The following ZDHHC21 variants were observed in gnomAD, a reference collection of about 807,000 sequenced individuals.
The protein encoded by ZDHHC21 is zDHHC palmitoyltransferase 21.
In ZDHHC21, 15 loss-of-function variants were observed where a neutral mutation model predicts 34.6. The ratio of observed to expected loss-of-function variants is 0.43; its 90% CI spans 0.29 to 0.67. ZDHHC21 has a LOEUF of 0.67. Ranked by LOEUF, ZDHHC21 falls within the 30% of genes least tolerant of loss-of-function variation. The probability of loss-of-function intolerance (pLI) is 0.14; values close to 1 mark genes in which losing one functional copy is unlikely to be tolerated. For missense variants in ZDHHC21, 344 were observed against 327.7 expected (o/e 1.05, Z -0.38); for synonymous variants, 142 against 101.8 (o/e 1.40, Z -2.38).
intron 3 of ZDHHC21, among the ~76,000 whole-genome samples, chr9:14,678,749 A>G (rs1035784620): frequency 6.6e-6 from 1 of 152,164 alleles, no homozygotes; most frequent in Non-Finnish European, 1.5e-5. Context: ...TCACAAAAAT[A>G]TGGCACAATC....
At chr9:14,664,086 C>T (rs1056618283) in intron 5 of ZDHHC21, among the ~76,000 whole-genome samples, 1 of 152,090 alleles carries the variant, frequency 6.6e-6, no homozygotes, top group African/African-American at 2.4e-5. Context: ...TCTGCATTTC[C>T]ATCTGAGGTA....
intron 7 of ZDHHC21, among the ~76,000 whole-genome samples, chr9:14,644,598 T>G (rs1325372801): frequency 6.6e-6 from 1 of 152,054 alleles, no homozygotes; most frequent in South Asian, 2.1e-4. Context: ...GTAACCTGAA[T>G]GAATCCTGAA....
intron 8 of ZDHHC21, among the ~76,000 whole-genome samples, chr9:14,632,054 AACACACACAAAC>A (rs1176658005): frequency 1.4e-4 from 20 of 145,040 alleles, no homozygotes; most frequent in African/African-American, 4.1e-4. Flanking sequence ...AACTAGTTAA[AACACACACAAAC>A]ACACACACAC....
chr9:14,659,016 T>C (rs1217474594), intron 6 of ZDHHC21, 129 bp from the exon 7 acceptor site: 1 of 893,898 alleles, frequency 1.1e-6, no homozygotes, highest in Non-Finnish European at 1.7e-6. Context: ...CTATGGCCAC[T>C]TGAAGGTAAA....
intron 8 of ZDHHC21, among the ~76,000 whole-genome samples, chr9:14,625,435 T>C (rs2133501430): frequency 6.6e-6 from 1 of 152,174 alleles, no homozygotes; most frequent in African/African-American, 2.4e-5. Flanking sequence ...TGAAAATCTC[T>C]TTCCAAAATA....
intron 2 of ZDHHC21, among the ~76,000 whole-genome samples, chr9:14,687,796 C>T (rs1449866529): frequency 6.6e-6 from 1 of 150,950 alleles, no homozygotes; most frequent in Admixed American, 6.6e-5. Context: ...AATATTGCTA[C>T]GCCTGAAAGA....
At position 14,658,912 on chromosome 9, in the gene ZDHHC21, A is replaced by G. The variant is rs755758320; in HGVS notation, c.366-25T>C. 6.3e-6 allele frequency: 10 copies of G among 1,591,662 alleles called. No individual in the cohort carries two copies. In the Admixed American group the frequency reaches 1.8e-4, roughly 29 times the overall value. ...CCTAAAGAAAAAAAATGAAAAAGAAACAATATTTTAAATTTCAAGAAGTTC... is the reference window on the plus strand; with the variant it reads ...CCTAAAGAAAAAAAATGAAAAAGAAGCAATATTTTAAATTTCAAGAAGTTC... On this transcript the variant is annotated intron_variant, in intron 6 of 9. Transcript: ENST00000380916.
intron 7 of ZDHHC21, among the ~76,000 whole-genome samples, chr9:14,641,954 A>G (rs1829453213): frequency 2.6e-5 from 4 of 152,344 alleles, no homozygotes; most frequent in Middle Eastern, 3.4e-3. Context: ...AGGAATGCAC[A>G]TATTGCATTA....
At chr9:14,606,106 G>A (rs1823007867), downstream of ZDHHC21, among the ~76,000 whole-genome samples, 1 of 152,142 alleles carries the variant, frequency 6.6e-6, no homozygotes. Context: ...AAATTTCAAG[G>A]TAGTTTAATT....
At chr9:14,628,447 A>G (rs1586934748) in intron 8 of ZDHHC21, among the ~76,000 whole-genome samples, 1 of 152,308 alleles carries the variant, frequency 6.6e-6, no homozygotes, top group Non-Finnish European at 1.5e-5. Flanking sequence ...AATCCCAAAG[A>G]GACAACACTT....
rs1248572435 is a variant in ZDHHC21, at chr9:14,615,263, T to A, written c.*3703A>T. 1 of 151,704 alleles carries A rather than the reference T, an allele frequency of 6.6e-6. No homozygotes were observed. The highest frequency in any genetic ancestry group is 1.5e-5 in the Non-Finnish European group (1 of 67,696). 9.4% of individuals were successfully genotyped at this position (151,704 alleles called of 1,614,324 possible). On this transcript the variant is annotated 3_prime_UTR_variant, in exon 10 of 10. Coordinates refer to ENST00000380916, the MANE Select transcript of ZDHHC21 (RefSeq NM_178566.6). Reference sequence around the variant, plus strand: ...GTGAAACATATCACCCACTAGTTACTTGTATGGGAGTGACTTGAATGTGTA... The same window carrying A: ...GTGAAACATATCACCCACTAGTTACATGTATGGGAGTGACTTGAATGTGTA...
chr9:14,597,461 T>G, the ZDHHC21 span, among the ~76,000 whole-genome samples: 5 of 152,278 alleles, frequency 3.3e-5, no homozygotes, highest in Non-Finnish European at 5.9e-5. Flanking sequence ...CCTCAGAATC[T>G]GAGAGCGGCC....
intron 7 of ZDHHC21, among the ~76,000 whole-genome samples, chr9:14,648,969 C>T (rs1830743925): frequency 2.0e-5 from 3 of 151,690 alleles, no homozygotes; most frequent in African/African-American, 7.3e-5. Flanking sequence ...CTTCCTCCTA[C>T]TGAACAGTTT....
intron 7 of ZDHHC21, among the ~76,000 whole-genome samples, chr9:14,655,628 C>T (rs1832070719): frequency 6.6e-6 from 1 of 151,514 alleles, no homozygotes; most frequent in Admixed American, 6.6e-5. Flanking sequence ...TTATATTATA[C>T]TTCAAAAAAA....
chr9:14,689,834 A>G (rs1252230514), intron 2 of ZDHHC21, among the ~76,000 whole-genome samples: 1 of 152,204 alleles, frequency 6.6e-6, no homozygotes, highest in Admixed American at 6.5e-5. Context: ...ATCACAGCCC[A>G]CTGCAGCCTC....
intron 7 of ZDHHC21, among the ~76,000 whole-genome samples, chr9:14,644,578 C>T (rs920646860): frequency 6.6e-6 from 1 of 151,900 alleles, no homozygotes; most frequent in Non-Finnish European, 1.5e-5. Flanking sequence ...TTCTAGTTTA[C>T]TAAGAGTGTG....
chr9:14,635,117 T>C (rs1828034621), intron 8 of ZDHHC21, among the ~76,000 whole-genome samples: 1 of 152,128 alleles, frequency 6.6e-6, no homozygotes, highest in African/African-American at 2.4e-5. Flanking sequence ...TATTTTTAAA[T>C]AACCCAGTCT....
chr9:14,602,792 T>C, the ZDHHC21 span, among the ~76,000 whole-genome samples: 1 of 151,892 alleles, frequency 6.6e-6, no homozygotes, highest in South Asian at 2.1e-4. Flanking sequence ...GCACAGTGAA[T>C]TGCACTTATA....
chr9:14,633,646 C>CT (rs1827766731), intron 8 of ZDHHC21, among the ~76,000 whole-genome samples: 1 of 152,126 alleles, frequency 6.6e-6, no homozygotes, highest in Non-Finnish European at 1.5e-5. Flanking sequence ...ACAGCCACTG[C>CT]TGCAGTTGGC....
Sources: allele counts gnomAD v4.1 joint callset (sites outside exome capture counted in the v4.1 genomes callset), GRCh38; gene constraint gnomAD v4.1.1; transcripts MANE v1.5; gene names NCBI Gene and HGNC (gene_info 2026-07-23, HGNC 2026-07-21).